The following KAZN variants were observed in gnomAD, a reference collection of about 807,000 sequenced individuals.
KAZN encodes kazrin.
In KAZN, 40 loss-of-function variants were observed where a neutral mutation model predicts 87.4. The ratio of observed to expected loss-of-function variants is 0.46; its 90% CI spans 0.36 to 0.60. The LOEUF (loss-of-function observed/expected upper bound fraction) is 0.60, where lower values mean the gene tolerates loss of function less well. KAZN is among the 20% of genes least tolerant of loss of function. KAZN has a pLI of 0.00. For missense variants in KAZN, 898 were observed against 1,073.9 expected, an observed-to-expected ratio of 0.84 and a Z score of 2.29; for synonymous variants, 466 against 458.3, an observed-to-expected ratio of 1.02 and a Z score of -0.22.
At chr1:14,835,193 G>A (rs1647191769) in intron 1 of KAZN, among the ~76,000 whole-genome samples, 1 of 152,168 alleles carries the variant, frequency 6.6e-6, no homozygotes, top group African/African-American at 2.4e-5. Flanking sequence ...TTTTCTACCT[G>A]TCTTTGTATC....
chr1:13,965,020 C>G (rs963498754), intron 1 of KAZN, among the ~76,000 whole-genome samples: 1 of 152,028 alleles, frequency 6.6e-6, no homozygotes, highest in African/African-American at 2.4e-5. Context: ...AGGGACGCAC[C>G]TGGGGCATTC....
At chr1:15,060,369 C>A in intron 6 of KAZN, 67 bp downstream of exon 6, 2 of 1,557,110 alleles carry the variant, frequency 1.3e-6, no homozygotes, top group Non-Finnish European at 1.8e-6. Flanking sequence ...GCGGGGGTGG[C>A]GGGGTGAAGC....
chr1:14,194,965 T>C (rs1251789275), intron 2 of KAZN, among the ~76,000 whole-genome samples: 1 of 152,124 alleles, frequency 6.6e-6, no homozygotes, highest in African/African-American at 2.4e-5. Context: ...CCAGATTTGG[T>C]TGGAGTATTC....
intron 2 of KAZN, among the ~76,000 whole-genome samples, chr1:14,503,443 C>G (rs1670378386): frequency 6.6e-6 from 1 of 150,664 alleles, no homozygotes. Flanking sequence ...GACATCACGC[C>G]ACTGCTCTCC....
At chr1:13,923,241 G>T (rs565280653) in intron 1 of KAZN, among the ~76,000 whole-genome samples, 2 of 152,230 alleles carry the variant, frequency 1.3e-5, no homozygotes, top group Admixed American at 1.3e-4. Flanking sequence ...AATACAGTAA[G>T]CTAGAGAAAA....
Position 14,521,992 on chromosome 1 carries a change from A to T in KAZN, c.250-76991A>T, listed in dbSNP as rs1475826757. Among the ~76,000 whole-genome samples the T allele has an allele frequency of 5.9e-5, 9 of 152,168 alleles. No individual in the cohort carries two copies. The East Asian group carries it at 1.7e-3, about 29-fold the overall frequency. ...TGAACTTTTGAGATTACTAATATAC[A>T]TCCAAATGTGTGTTAGGGAATGTAC... On this transcript the variant is annotated intron_variant, in intron 2 of 16. Transcript: ENST00000636203.
chr1:14,935,314 C>T (rs1326982358), intron 1 of KAZN, among the ~76,000 whole-genome samples: 1 of 152,132 alleles, frequency 6.6e-6, no homozygotes, highest in Non-Finnish European at 1.5e-5. Context: ...AATCTTGGCT[C>T]TCTGCAACCT....
At position 13,913,559 on chromosome 1, in the gene KAZN, CCTT is replaced by C. The variant is rs138682010; in HGVS notation, c.91+19809_91+19811del. Among the ~76,000 whole-genome samples, 1,116 of 152,244 alleles carry C rather than the reference CCTT, an allele frequency of 7.3e-3. 14 individuals are homozygous for C. The highest frequency in any genetic ancestry group is 0.025 in the African/African-American group (1,023 of 41,528). ...TGCAGCTCCATTCTTCCCAAGGGCT[CCTT>C]CTTCTCCAGCAAGGCAATTCTTACA... On this transcript the variant is annotated intron_variant, in intron 1 of 16. Transcript: ENST00000636203.
chr1:14,593,164 A>G (rs486958), intron 2 of KAZN, among the ~76,000 whole-genome samples: 122,070 of 152,264 alleles, frequency 0.8, 49,363 homozygotes, highest in African/African-American at 0.9. Flanking sequence ...AAATAAGAGA[A>G]CTGTGAAAGT....
intron 2 of KAZN, among the ~76,000 whole-genome samples, chr1:14,391,179 AAGT>A (rs1472079029): frequency 6.6e-6 from 1 of 152,144 alleles, no homozygotes. Flanking sequence ...GGGGAGCCTG[AAGT>A]GGTGAGGAGC....
intron 1 of KAZN, among the ~76,000 whole-genome samples, chr1:14,049,004 A>G (rs1642193199): frequency 6.6e-6 from 1 of 152,178 alleles, no homozygotes; most frequent in Non-Finnish European, 1.5e-5. Context: ...TGCTATAAAG[A>G]CACATGCACA....
At chr1:14,383,597 C>G (rs1173025587) in intron 2 of KAZN, among the ~76,000 whole-genome samples, 2 of 151,568 alleles carry the variant, frequency 1.3e-5, no homozygotes, top group Admixed American at 6.6e-5. Flanking sequence ...GCTTGTTTTT[C>G]TCAGGTTTGT....
chr1:14,318,335 T>C (rs913525334), intron 2 of KAZN, among the ~76,000 whole-genome samples: 1 of 152,104 alleles, frequency 6.6e-6, no homozygotes, highest in African/African-American at 2.4e-5. Flanking sequence ...TAGAATGCTA[T>C]GTTAACTGTT....
intron 1 of KAZN, among the ~76,000 whole-genome samples, chr1:14,154,872 C>G (rs2101808843): frequency 6.6e-6 from 1 of 152,168 alleles, no homozygotes; most frequent in South Asian, 2.1e-4. Flanking sequence ...TGATCTTTTT[C>G]ATATATTGTT....
At chr1:13,948,585 A>G (rs1641231021) in intron 1 of KAZN, among the ~76,000 whole-genome samples, 1 of 152,146 alleles carries the variant, frequency 6.6e-6, no homozygotes, top group Admixed American at 6.5e-5. Flanking sequence ...GGTGTGGGGA[A>G]AGGGGGCAGT....
intron 1 of KAZN, among the ~76,000 whole-genome samples, chr1:14,665,501 C>G (rs1639476524): frequency 6.6e-6 from 1 of 152,078 alleles, no homozygotes; most frequent in Non-Finnish European, 1.5e-5. Context: ...TGTCAAGAAG[C>G]CTGACGTCAC....
At chr1:14,495,432 C>G (rs1444045647) in intron 2 of KAZN, among the ~76,000 whole-genome samples, 2 of 152,178 alleles carry the variant, frequency 1.3e-5, no homozygotes, top group Admixed American at 1.3e-4. Context: ...TGAGTTTTAA[C>G]TACCCCTGCC....
intron 2 of KAZN, among the ~76,000 whole-genome samples, chr1:14,332,956 G>T (rs746614991): frequency 6.6e-6 from 1 of 152,094 alleles, no homozygotes; most frequent in Non-Finnish European, 1.5e-5. Flanking sequence ...GTGCCATGGC[G>T]GTTTGCTGCA....
Position 14,170,061 on chromosome 1 carries a change from T to C in KAZN, c.92-10374T>C, listed in dbSNP as rs143900204. Among the ~76,000 whole-genome samples the C allele has an allele frequency of 2.0e-3, 311 of 152,290 alleles. 1 individual carries two copies. The highest frequency in any genetic ancestry group is 7.0e-3 in the African/African-American group (292 of 41,566). ...TTGGCTTTCTAAAAATGGAGCCACA[T>C]TGATCCTCCAAGGTGTGGATCTGAA... On this transcript the variant is annotated intron_variant, in intron 1 of 16. Transcript: ENST00000636203.
Sources: allele counts gnomAD v4.1 joint callset (sites outside exome capture counted in the v4.1 genomes callset), GRCh38; gene constraint gnomAD v4.1.1; transcripts MANE v1.5; gene names NCBI Gene and HGNC (gene_info 2026-07-23, HGNC 2026-07-21).